Variants in SOX5 observed in about 807,000 individuals in gnomAD.
SOX5 encodes SRY-box transcription factor 5.
SOX5 carries 9 observed loss-of-function variants against 92.0 expected under a neutral mutation model. The ratio of observed to expected loss-of-function variants is 0.10; its 90% CI spans 0.06 to 0.17. The LOEUF (loss-of-function observed/expected upper bound fraction) is 0.17, where lower values mean the gene tolerates loss of function less well. SOX5 is among the 10% of genes least tolerant of loss of function. The pLI is 1.00. For synonymous variants in SOX5, 344 were observed against 336.3 expected, an observed-to-expected ratio of 1.02 and a Z score of -0.25; for missense variants, 642 against 944.5, an observed-to-expected ratio of 0.68 and a Z score of 4.20.
intron 7 of SOX5, among the ~76,000 whole-genome samples, chr12:23,657,498 T>A (rs2082459121): frequency 6.6e-6 from 1 of 152,170 alleles, no homozygotes; most frequent in South Asian, 2.1e-4. Flanking sequence ...TACTTTCCAA[T>A]CAATCTTATG....
intron 2 of SOX5, among the ~76,000 whole-genome samples, chr12:24,350,931 C>T (rs1314635432): frequency 6.6e-6 from 1 of 152,098 alleles, no homozygotes. Context: ...TGCACACACG[C>T]CTGTAATCCC....
At chr12:24,149,715 A>C (rs1951466703) in intron 4 of SOX5, among the ~76,000 whole-genome samples, 1 of 152,206 alleles carries the variant, frequency 6.6e-6, no homozygotes, top group Non-Finnish European at 1.5e-5. Context: ...GTTTGCATAC[A>C]AATGTTCATT....
At chr12:24,421,351 A>G (rs1965881942) in intron 1 of SOX5, among the ~76,000 whole-genome samples, 1 of 152,176 alleles carries the variant, frequency 6.6e-6, no homozygotes, top group Non-Finnish European at 1.5e-5. Flanking sequence ...ATGACAAGAA[A>G]AAAAGTAGGA....
At chr12:23,955,481 C>T (rs1345883819), upstream of SOX5, among the ~76,000 whole-genome samples, 1 of 152,124 alleles carries the variant, frequency 6.6e-6, no homozygotes, top group Non-Finnish European at 1.5e-5. Flanking sequence ...AGGTAAAACC[C>T]AGGGGCCAAT....
At chr12:24,259,137 G>C (rs193067260) in intron 3 of SOX5, among the ~76,000 whole-genome samples, 6 of 152,312 alleles carry the variant, frequency 3.9e-5, no homozygotes, top group Non-Finnish European at 5.9e-5. Flanking sequence ...ATGATAAAAT[G>C]TGCTGAACAT....
rs1051943657 is a variant in SOX5, at chr12:23,721,213, G to A, written c.810+13471C>T. On this transcript the variant is annotated intron_variant, in intron 6 of 14. Transcript: ENST00000451604. The stretch of plus-strand genomic sequence containing the variant: ...CGATTCTCCTGCCTCAGCCTCCAGA[G>A]TAGCTGGGATTACAGGCATGCGCCA... Among the ~76,000 whole-genome samples the A allele has an allele frequency of 5.3e-5, 8 of 152,200 alleles. No homozygotes were observed. The East Asian group carries it at 1.2e-3, about 22-fold the overall frequency.
rs139637235 is a variant in SOX5, at chr12:24,069,246, C to T, written c.-2+144097G>A. Reference sequence around the variant, plus strand: ...ATCAGCATGGAAACTTAATAGAGCACGCTTTCTATTTAGAAGCTCTACCTC... The same window carrying T: ...ATCAGCATGGAAACTTAATAGAGCATGCTTTCTATTTAGAAGCTCTACCTC... On this transcript the variant is annotated intron_variant, in intron 4 of 4. Transcript: ENST00000446891. Among the ~76,000 whole-genome samples, 566 of 152,226 alleles carry T rather than the reference C, an allele frequency of 3.7e-3. 16 individuals carry two copies. Among genetic ancestry groups the T allele is most frequent in the Admixed American group, 0.027 (412 of 15,294 alleles).
intron 1 of SOX5, among the ~76,000 whole-genome samples, chr12:24,531,835 G>A (rs1040579572): frequency 5.9e-5 from 9 of 152,074 alleles, no homozygotes; most frequent in African/African-American, 7.2e-5. Context: ...AAATTTGCCC[G>A]CTGAGGTTAT....
At chr12:24,127,270 A>G (rs1391923677) in intron 4 of SOX5, among the ~76,000 whole-genome samples, 1 of 151,736 alleles carries the variant, frequency 6.6e-6, no homozygotes, top group Non-Finnish European at 1.5e-5. Flanking sequence ...GCATGCCTGT[A>G]GTCCCAGCTA....
chr12:23,871,880 C>CTAT (rs2096876274), intron 2 of SOX5, among the ~76,000 whole-genome samples: 1 of 152,134 alleles, frequency 6.6e-6, no homozygotes, highest in South Asian at 2.1e-4. Flanking sequence ...CTGTCTATAA[C>CTAT]AATAGAGTTT....
intron 1 of SOX5, among the ~76,000 whole-genome samples, chr12:24,476,414 A>T (rs1330925119): frequency 6.6e-6 from 1 of 152,234 alleles, no homozygotes; most frequent in Non-Finnish European, 1.5e-5. Flanking sequence ...GCTGCTCCAG[A>T]GAACTCAACT....
intron 9 of SOX5, among the ~76,000 whole-genome samples, chr12:23,603,225 C>G (rs1293507505): frequency 6.6e-6 from 1 of 151,786 alleles, no homozygotes; most frequent in East Asian, 1.9e-4. Context: ...TACAATAACT[C>G]TGAAAGACAT....
intron 1 of SOX5, among the ~76,000 whole-genome samples, chr12:23,901,375 G>T (rs570680684): frequency 2.6e-5 from 4 of 152,226 alleles, no homozygotes; most frequent in Non-Finnish European, 5.9e-5. Context: ...GAATACATTT[G>T]TATTTTTTAA....
chr12:23,653,795 A>G (rs1404051177), intron 7 of SOX5, among the ~76,000 whole-genome samples: 1 of 152,082 alleles, frequency 6.6e-6, no homozygotes, highest in East Asian at 1.9e-4. Context: ...TCAGCATATG[A>G]ATTTTGGGGG....
intron 1 of SOX5, among the ~76,000 whole-genome samples, chr12:23,904,742 C>A (rs1445319299): frequency 7.7e-6 from 1 of 129,554 alleles, no homozygotes; most frequent in Non-Finnish European, 1.9e-5. Context: ...TTTACCTTGC[C>A]ACATGTTTAG....
chr12:24,000,687 G>A (rs994276624), intron 4 of SOX5, among the ~76,000 whole-genome samples: 53 of 152,088 alleles, frequency 3.5e-4, no homozygotes, highest in African/African-American at 1.2e-3. Context: ...AATGGCAGGT[G>A]TATATCCAAC....
At chr12:24,041,793 C>A (rs760183369) in intron 4 of SOX5, among the ~76,000 whole-genome samples, 1 of 151,832 alleles carries the variant, frequency 6.6e-6, no homozygotes, top group Non-Finnish European at 1.5e-5. Context: ...ATTTTTTGTC[C>A]CTGGCTACAA....
chr12:24,207,480 CACAA>C (rs1366659586), intron 4 of SOX5, among the ~76,000 whole-genome samples: 1 of 152,040 alleles, frequency 6.6e-6, no homozygotes. Flanking sequence ...TGAATGAATA[CACAA>C]ACAACTTTTG....
intron 1 of SOX5, among the ~76,000 whole-genome samples, chr12:23,934,921 A>C (rs1942229437): frequency 6.6e-6 from 1 of 151,158 alleles, no homozygotes; most frequent in Non-Finnish European, 1.5e-5. Flanking sequence ...AAGCAGTCTG[A>C]CTCCAAAGTA....
Sources: gnomAD v4.1 joint callset for allele counts (sites outside exome capture counted in the v4.1 genomes callset) on GRCh38, gnomAD v4.1.1 for gene constraint, MANE v1.5 for transcripts, NCBI Gene and HGNC (gene_info 2026-07-23, HGNC 2026-07-21) for gene names.